The following WNK4 variants were observed in gnomAD, a reference collection of about 807,000 sequenced individuals.
WNK4 encodes the protein serine/threonine-protein kinase WNK4.
Under a neutral mutation model 116.2 loss-of-function variants are expected in WNK4, and 94 were observed. The observed-to-expected ratio is 0.81, with a 90% confidence interval of 0.68 to 0.96. The LOEUF (loss-of-function observed/expected upper bound fraction) is 0.96, where lower values mean the gene tolerates loss of function less well. WNK4 is among the 40% of genes least tolerant of loss of function. The pLI is 0.00. For synonymous variants in WNK4, 655 were observed against 672.7 expected, an observed-to-expected ratio of 0.97 and a Z score of 0.41; for missense variants, 1,542 against 1,650.6, an observed-to-expected ratio of 0.93 and a Z score of 1.14.
chr17:42,782,645 A>G lies in WNK4; in HGVS notation c.619-113A>G. ...CTGGGCAAGTAATCCCATTAACCCC[A>G]CCCCATCTGTGGGCTCCAACCCTCA... On this transcript the variant is annotated intron_variant, in intron 1 of 18. Transcript: ENST00000246914. This position sits in a 1 kb window ranked among gnomAD's most constrained non-coding sequence, Gnocchi z 4.2. 8.1e-7 allele frequency: 1 copy of G among 1,238,342 alleles called. No individual in the cohort carries two copies. 76.7% of individuals were successfully genotyped at this position (1,238,342 alleles called of 1,614,324 possible).
At chr17:42,790,070 C>G (rs907853031) in intron 11 of WNK4, among the ~76,000 whole-genome samples, 1 of 152,046 alleles carries the variant, frequency 6.6e-6, no homozygotes, top group Non-Finnish European at 1.5e-5. Flanking sequence ...TTATGAAAAT[C>G]ATCTGCCATG....
intron 2 of WNK4, 36 bp from the exon 3 acceptor site, chr17:42,783,901 C>T (rs984964258): frequency 6.3e-7 from 1 of 1,588,286 alleles, no homozygotes; most frequent in Non-Finnish European, 8.6e-7. Flanking sequence ...AGGACGTGTC[C>T]CCCCACCAGG....
At position 42,787,900 on chromosome 17, in the gene WNK4, G is replaced by T; in HGVS notation, c.1863+1G>T. 2 of 1,609,278 alleles carry T rather than the reference G, an allele frequency of 1.2e-6. No homozygotes were observed. The highest frequency in any genetic ancestry group is 1.7e-6 in the Non-Finnish European group (2 of 1,179,962). The stretch of plus-strand genomic sequence containing the variant: ...TGAGTCCCATCTCTGCCTGCCCTCG[G>T]TGAGAGGGGGTCGCATGGGGGGCTC... On this transcript the variant is annotated splice_donor_variant, in intron 8 of 18. Coordinates refer to ENST00000246914, the MANE Select transcript of WNK4 (RefSeq NM_032387.5). LOFTEE classifies it high-confidence loss of function.
In WNK4 at chr17:42,782,756, A is replaced by G; in HGVS notation, c.619-2A>G. ...ACATGACACCCGTCCCCCATCCCAC[A>G]GACTCGGAAACTGTCTAGAGCTGAG... On this transcript the variant is annotated splice_acceptor_variant, in intron 1 of 18. Coordinates refer to ENST00000246914, the MANE Select transcript of WNK4 (RefSeq NM_032387.5). LOFTEE classifies it high-confidence loss of function. The surrounding 1 kb of genome is among the most constrained non-coding windows in gnomAD (Gnocchi z 4.2). 6.2e-7 allele frequency: 1 copy of G among 1,614,012 alleles called. No individual in the cohort carries two copies. Among genetic ancestry groups the G allele is most frequent in the Non-Finnish European group, 8.5e-7 (1 of 1,180,004 alleles).
At position 42,784,196 on chromosome 17, in the gene WNK4, C is replaced by G; in HGVS notation, c.1012+39C>G. The G allele has an allele frequency of 6.2e-7, 1 of 1,601,498 alleles. No homozygotes were observed. The highest frequency in any genetic ancestry group is 8.5e-7 in the Non-Finnish European group (1 of 1,178,266). On this transcript the variant is annotated intron_variant, in intron 3 of 18. Coordinates refer to ENST00000246914, the MANE Select transcript of WNK4 (RefSeq NM_032387.5). The surrounding 1 kb of genome is among the most constrained non-coding windows in gnomAD (Gnocchi z 4.4). Reference sequence around the variant, plus strand: ...GGAGGGTCCATGCCATTCCTTCCTCCCCCACCTCAGAAGAGAACCTGGGGA... The same window carrying G: ...GGAGGGTCCATGCCATTCCTTCCTCGCCCACCTCAGAAGAGAACCTGGGGA...
Position 42,785,134 on chromosome 17 carries a change from C to A in WNK4, c.1208C>A (p.Pro403His). ...KPNSFHKVKI[P>H]EVKEIIEGCI... Reference sequence around the variant, plus strand: ...AACAGCTTCCACAAGGTGAAGATACCCGAGGTGAAGGAGATCATTGAAGGC... The same window carrying A: ...AACAGCTTCCACAAGGTGAAGATACACGAGGTGAAGGAGATCATTGAAGGC... Residue 403 changes from proline to histidine, a missense_variant, in exon 5 of 19, where the codon CCC (proline) becomes CAC (histidine). By Grantham distance (77) the Pro-to-His change is moderately conservative. This residue lies in a region of WNK4 where 808 missense variants were observed against 873.6 expected (regional missense o/e 0.92). Transcript: ENST00000246914. 6.2e-7 allele frequency: 1 copy of A among 1,613,886 alleles called. No individual in the cohort carries two copies.
In WNK4 at chr17:42,788,771, AG is replaced by A; in HGVS notation, c.2132del (p.Ser711ThrfsTer38). On this transcript the variant is annotated frameshift_variant, in exon 11 of 19. Transcript: ENST00000246914. LOFTEE classifies it high-confidence loss of function. ...VTFRFDLDGD[S>X]PEEIAAAMVY... Reference sequence around the variant, plus strand: ...CTTCCGATTTGATCTGGATGGGGACAGCCCGGAAGAGATTGCAGCTGCCATG... The same window carrying A: ...CTTCCGATTTGATCTGGATGGGGACACCCGGAAGAGATTGCAGCTGCCATG... 1 of 1,614,162 alleles carries A rather than the reference AG, an allele frequency of 6.2e-7. No individual in the cohort carries two copies. Among genetic ancestry groups the A allele is most frequent in the Admixed American group, 1.7e-5 (1 of 60,018 alleles).
At chr17:42,792,731 T>A (rs1438062382) in intron 11 of WNK4, among the ~76,000 whole-genome samples, 1 of 152,224 alleles carries the variant, frequency 6.6e-6, no homozygotes. Flanking sequence ...CCCAGCACAA[T>A]GCCAGCACAT....
Position 42,794,865 on chromosome 17 carries a change from A to G in WNK4, c.2444A>G (p.Asn815Ser). ...SSPGTPLSPG[N>S]PFSPGTPISP... ...CCTGGAACTCCTTTGTCTCCTGGAA[A>G]CCCATTTTCCCCTGGAACCCCCATT... Residue 815 changes from asparagine (N) to serine (S), a missense_variant, in exon 14 of 19, where the codon AAC becomes AGC. This residue lies in a region of WNK4 where 808 missense variants were observed against 873.6 expected (regional missense o/e 0.92). Coordinates refer to ENST00000246914, the MANE Select transcript of WNK4 (RefSeq NM_032387.5). 3 of 1,613,206 alleles carry G rather than the reference A, an allele frequency of 1.9e-6. No homozygotes were observed. The highest frequency in any genetic ancestry group is 2.5e-6 in the Non-Finnish European group (3 of 1,179,750).
At position 42,796,778 on chromosome 17, in the gene WNK4, C is replaced by G; in HGVS notation, c.*90C>G. 3 of 1,614,012 alleles carry G rather than the reference C, an allele frequency of 1.9e-6. No homozygotes were observed. Among genetic ancestry groups the G allele is most frequent in the Non-Finnish European group, 2.5e-6 (3 of 1,179,934 alleles). On this transcript the variant is annotated 3_prime_UTR_variant, in exon 19 of 19. Coordinates refer to ENST00000246914, the MANE Select transcript of WNK4 (RefSeq NM_032387.5). ...ATCTGATGCTTTCTGATCAACAAAA[C>G]TGAGCAAGGAAGATCCCAACACTGA...
At chr17:42,790,290 G>A in intron 11 of WNK4, among the ~76,000 whole-genome samples, 1 of 152,184 alleles carries the variant, frequency 6.6e-6, no homozygotes, top group East Asian at 1.9e-4. Context: ...TTGCTGAGTT[G>A]ATATGATTGG....
intron 10 of WNK4, 107 bp downstream of exon 10, chr17:42,788,514 T>A: frequency 7.9e-7 from 1 of 1,267,548 alleles, no homozygotes; most frequent in Non-Finnish European, 1.2e-6. Context: ...AGTGTATGAC[T>A]AGTACTCAAG....
rs2054561078 is a variant in WNK4, at chr17:42,787,395, G to T, written c.1594G>T (p.Ala532Ser). ...EKLRKARELE[A>S]LPPEPGPPPA... ...GCTGCGTAAAGCAAGGGAATTGGAG[G>T]CACTCCCACCAGAGCCAGGACCTCC... Residue 532 changes from alanine to serine, a missense_variant, in exon 7 of 19, where the codon GCA becomes TCA. Physicochemically the swap from Ala to Ser is moderately conservative, Grantham distance 99. Coordinates refer to ENST00000246914, the MANE Select transcript of WNK4 (RefSeq NM_032387.5). The T allele has an allele frequency of 2.5e-6, 4 of 1,614,066 alleles. No homozygotes were observed. The highest frequency in any genetic ancestry group is 2.7e-5 in the African/African-American group (2 of 74,916).
At chr17:42,794,318 T>C (rs2054638029) in intron 12 of WNK4, 1 of 497,482 alleles carries the variant, frequency 2.0e-6, no homozygotes, top group Admixed American at 3.3e-5. Context: ...CTGGATACCC[T>C]TTGCCCAGAT....
In WNK4 at chr17:42,784,234, AGCAAGG is replaced by A; in HGVS notation, c.1012+80_1012+85del. 1 of 1,584,270 alleles carries A rather than the reference AGCAAGG, an allele frequency of 6.3e-7. No homozygotes were observed. Among genetic ancestry groups the A allele is most frequent in the Non-Finnish European group, 8.6e-7 (1 of 1,161,964 alleles). On this transcript the variant is annotated intron_variant, in intron 3 of 18. Coordinates refer to ENST00000246914, the MANE Select transcript of WNK4 (RefSeq NM_032387.5). The surrounding 1 kb of genome is among the most constrained non-coding windows in gnomAD (Gnocchi z 4.4). ...GAGAACCTGGGGACTCCCTCCCCTC[AGCAAGG>A]GCCTTCAAGGTCCACAAAACTACCA...
chr17:42,791,614 G>A (rs1271815536), intron 11 of WNK4, among the ~76,000 whole-genome samples: 1 of 151,066 alleles, frequency 6.6e-6, no homozygotes, highest in African/African-American at 2.4e-5. Flanking sequence ...ACTCCAGCCT[G>A]GGCAACAAGA....
chr17:42,787,029 A>G (rs1349267297), intron 6 of WNK4, among the ~76,000 whole-genome samples: 1 of 152,218 alleles, frequency 6.6e-6, no homozygotes, highest in African/African-American at 2.4e-5. Context: ...GAAACCACTG[A>G]CTTACTGTAT....
At chr17:42,786,391 A>G (rs538012972) in intron 6 of WNK4, among the ~76,000 whole-genome samples, 2 of 152,228 alleles carry the variant, frequency 1.3e-5, no homozygotes, top group South Asian at 4.1e-4. Flanking sequence ...TGAAGGGAGT[A>G]TGGGATTCTT....
At position 42,784,466 on chromosome 17, in the gene WNK4, G is replaced by A; in HGVS notation, c.1057G>A (p.Asp353Asn). The A allele has an allele frequency of 4.3e-6, 7 of 1,613,928 alleles. No homozygotes were observed. Among genetic ancestry groups the A allele is most frequent in the Middle Eastern group, 1.6e-4 (1 of 6,062 alleles). The change falls in exon 4 of 19, where the codon GAT (aspartate) becomes AAT (asparagine). Residue 353 changes from aspartate (D) to asparagine (N), a missense_variant. By Grantham distance (23) the Asp-to-Asn change is conservative (BLOSUM62 1). Around this residue, in one of 7 missense-constraint regions of WNK4, gnomAD observed 808 missense variants for 873.6 expected, o/e 0.92. Transcript: ENST00000246914. This position sits in a 1 kb window ranked among gnomAD's most constrained non-coding sequence, Gnocchi z 4.4. ...CCCCGAGATGTACGAGGAAAAGTAC[G>A]ATGAGGCCGTGGACGTGTACGCGTT... ...MAPEMYEEKY[D>N]EAVDVYAFGM...
Sources: gnomAD v4.1 joint callset for allele counts (sites outside exome capture counted in the v4.1 genomes callset) on GRCh38, gnomAD v4.1.1 for gene constraint, gnomAD v4.1.1 regional missense constraint, Gnocchi (gnomAD v3.1) non-coding constraint, MANE v1.5 for transcripts, NCBI Gene and HGNC (gene_info 2026-07-23, HGNC 2026-07-21) for gene names.